Variants in ANO1 observed in about 807,000 individuals in gnomAD.
ANO1 encodes anoctamin 1, also known as anoctamin-1.
A neutral mutation model predicts 124.0 loss-of-function variants in ANO1; 59 were observed. The ratio of observed to expected loss-of-function variants is 0.48; its 90% CI spans 0.39 to 0.59. The LOEUF (loss-of-function observed/expected upper bound fraction) is 0.59, where lower values mean the gene tolerates loss of function less well. ANO1 is among the 20% of genes least tolerant of loss of function. The pLI is 0.00. For synonymous variants in ANO1, 529 were observed against 532.0 expected, an observed-to-expected ratio of 0.99 and a Z score of 0.08; for missense variants, 1,059 against 1,328.0, an observed-to-expected ratio of 0.80 and a Z score of 3.15.
rs1195737143 is a variant in ANO1 at position 70,088,085 on chromosome 11, G to T, written c.441+1G>T. The T allele has an allele frequency of 2.8e-6, 3 of 1,064,664 alleles. No homozygotes were observed. Among genetic ancestry groups the T allele is most frequent in the Non-Finnish European group, 3.5e-6 (3 of 867,444 alleles). The allele number at this position is 1,064,664 out of a possible 1,614,324, so 66.0% of individuals were successfully genotyped here. On this transcript the variant is annotated splice_donor_variant, in intron 2 of 25. Coordinates refer to ENST00000355303, the MANE Select transcript of ANO1 (RefSeq NM_018043.7). LOFTEE classifies it high-confidence loss of function. ...CCTGGAGCTGGAGCGGGACGAGGAC[G>T]TAACTATCTCACTGCGCGCTGTTTG...
chr11:70,161,283 C>A lies in ANO1; in HGVS notation c.1701C>A (p.Thr567=), dbSNP rs761582037. 1 of 1,613,914 alleles carries A rather than the reference C, an allele frequency of 6.2e-7. No individual in the cohort carries two copies. Among genetic ancestry groups the A allele is most frequent in the East Asian group, 2.2e-5 (1 of 44,880 alleles). Residue 567 remains threonine (T), a synonymous_variant, in exon 17 of 26, where the codon ACC becomes ACA. Transcript: ENST00000355303. ...RSNIRVTVTA[T]AVIINLVVII... The stretch of plus-strand genomic sequence containing the variant: ...ACATCCGGGTCACAGTCACAGCCAC[C>A]GCAGTCATCATCAACCTAGTGGTCA...
chr11:70,001,670 G>A (rs1320061894), intron 1 of ANO1, among the ~76,000 whole-genome samples: 2 of 152,210 alleles, frequency 1.3e-5, no homozygotes, highest in African/African-American at 2.4e-5. Context: ...GGAAAGGAAG[G>A]TGCTGCCAGG....
Position 70,084,933 on chromosome 11 carries a change from G to C in ANO1, c.109-2819G>C, listed in dbSNP as rs572112666. Among the ~76,000 whole-genome samples, 350 of 152,228 alleles carry C rather than the reference G, an allele frequency of 2.3e-3. 3 individuals are homozygous for C. Among genetic ancestry groups the C allele is most frequent in the African/African-American group, 8.1e-3 (336 of 41,548 alleles). ...CCCGTGGGAGCCTCAGTTTCCTCCA[G>C]GTCAAATGGACCTAACTATAGTAAC... is the stretch of plus-strand genomic sequence containing the variant. On this transcript the variant is annotated intron_variant, in intron 1 of 25. Transcript: ENST00000355303.
chr11:70,134,720 G>A (rs2046887401), intron 11 of ANO1, among the ~76,000 whole-genome samples: 2 of 152,124 alleles, frequency 1.3e-5, no homozygotes, highest in African/African-American at 2.4e-5. Flanking sequence ...GCTACTCATC[G>A]GCCCATGTGT....
chr11:70,154,087 T>C (rs1162085979), intron 14 of ANO1, among the ~76,000 whole-genome samples: 1 of 152,036 alleles, frequency 6.6e-6, no homozygotes, highest in Non-Finnish European at 1.5e-5. Flanking sequence ...ATGGTGTTTT[T>C]CACATGATGT....
chr11:70,163,331 A>G lies in ANO1; in HGVS notation c.1941A>G (p.Arg647=). ...GDYVYIFRSF[R]MEECAPGGCL... ...ACGTGTACATTTTCCGTTCCTTCCG[A>G]ATGGAAGAGGTAACCGAAATTTTAT... The change falls in exon 19 of 26, where the codon CGA becomes CGG. Residue 647 remains arginine (R), a synonymous_variant. Transcript: ENST00000355303. The G allele has an allele frequency of 6.2e-7, 1 of 1,613,968 alleles. No homozygotes were observed. The highest frequency in any genetic ancestry group is 8.5e-7 in the Non-Finnish European group (1 of 1,179,902).
At chr11:70,087,635 G>A in intron 1 of ANO1, 117 bp from the exon 2 acceptor site, 1 of 1,041,926 alleles carries the variant, frequency 9.6e-7, no homozygotes, top group Non-Finnish European at 1.4e-6. Flanking sequence ...AGGGCGCTCA[G>A]GGAGTGTTTG....
intron 22 of ANO1, among the ~76,000 whole-genome samples, chr11:70,172,496 T>C (rs1009004826): frequency 2.6e-5 from 4 of 152,244 alleles, no homozygotes; most frequent in African/African-American, 9.6e-5. Context: ...GATATCACCT[T>C]GCTGAAATAA....
At chr11:70,137,437 C>G (rs1247473547) in intron 11 of ANO1, among the ~76,000 whole-genome samples, 4 of 136,112 alleles carry the variant, frequency 2.9e-5, no homozygotes, top group African/African-American at 1.0e-4. Context: ...CCGCCATCAC[C>G]GCTGTCTGCT....
intron 2 of ANO1, among the ~76,000 whole-genome samples, chr11:70,100,583 T>C (rs2045227230): frequency 6.6e-6 from 1 of 152,150 alleles, no homozygotes; most frequent in African/African-American, 2.4e-5. Flanking sequence ...ACTTCAGGCC[T>C]CCAGAGCTGA....
chr11:70,176,139 G>GTATATATATATATATATATA (rs371250706), intron 22 of ANO1, among the ~76,000 whole-genome samples: 5 of 146,476 alleles, frequency 3.4e-5, no homozygotes, highest in African/African-American at 1.3e-4. Flanking sequence ...CAGATTATGG[G>GTATATATATATATATATATA]TATATATATA....
chr11:70,085,732 A>G (rs922268765), intron 1 of ANO1: 2 of 1,423,732 alleles, frequency 1.4e-6, no homozygotes, highest in Non-Finnish European at 1.8e-6. Flanking sequence ...CCCTACAACT[A>G]AAAAGGACAG....
intron 11 of ANO1, among the ~76,000 whole-genome samples, chr11:70,147,994 G>GC (rs1461427337): frequency 6.6e-6 from 1 of 152,156 alleles, no homozygotes; most frequent in East Asian, 1.9e-4. Flanking sequence ...GGCTGGGCCG[G>GC]CCGATACAGT....
rs933254240 is a variant in ANO1 at position 70,179,110 on chromosome 11, T to G, written c.2351-894T>G. 9.8e-5 allele frequency among the ~76,000 whole-genome samples: 15 copies of G among 152,348 alleles called. 1 individual carries two copies. The South Asian group carries it at 3.1e-3, about 32-fold the overall frequency. On this transcript the variant is annotated intron_variant, in intron 22 of 25. Coordinates refer to ENST00000355303, the MANE Select transcript of ANO1 (RefSeq NM_018043.7). ...CAGAAGCGCTATGTACAGCTCTCCC[T>G]GTAGCCTCCTGCACAGGTAGGATGT...
chr11:70,164,791 T>C (rs1173818734), intron 19 of ANO1, among the ~76,000 whole-genome samples: 2 of 152,130 alleles, frequency 1.3e-5, no homozygotes. Context: ...CAGCCTGCCA[T>C]GGTGGTGCAG....
At chr11:70,056,647 A>G (rs782188584) in intron 1 of ANO1, 7 of 152,228 alleles carry the variant, frequency 4.6e-5, no homozygotes, top group East Asian at 1.9e-4. Context: ...AGAGCATATC[A>G]TATTCTTAAC....
At chr11:70,032,538 G>GA (rs1274216548) in intron 1 of ANO1, among the ~76,000 whole-genome samples, 1 of 150,076 alleles carries the variant, frequency 6.7e-6, no homozygotes, top group East Asian at 2.0e-4. Flanking sequence ...GCGGGAGAGG[G>GA]GGGGGGTCTC....
the ANO1 span, among the ~76,000 whole-genome samples, chr11:69,976,432 G>A: frequency 1.3e-5 from 2 of 149,960 alleles, no homozygotes; most frequent in South Asian, 2.1e-4. Flanking sequence ...GCGTGAACCC[G>A]GGAGGCGGAG....
At chr11:70,032,167 G>A (rs78720394) in intron 1 of ANO1, among the ~76,000 whole-genome samples, 1,656 of 152,246 alleles carry the variant, frequency 0.011, 39 homozygotes, top group African/African-American at 0.037. Flanking sequence ...TGTGAAGGAC[G>A]GAAATGCAGG....
Sources: gnomAD v4.1 joint callset for allele counts (sites outside exome capture counted in the v4.1 genomes callset) on GRCh38, gnomAD v4.1.1 for gene constraint, MANE v1.5 for transcripts, NCBI Gene and HGNC (gene_info 2026-07-23, HGNC 2026-07-21) for gene names.